The following NCAM2 variants were observed in gnomAD, a reference collection of about 807,000 sequenced individuals.
NCAM2 encodes the protein neural cell adhesion molecule 2.
A neutral mutation model predicts 98.1 loss-of-function variants in NCAM2; 30 were observed. The ratio of observed to expected loss-of-function variants is 0.31; its 90% CI spans 0.23 to 0.41. The LOEUF (loss-of-function observed/expected upper bound fraction) is 0.41, where lower values mean the gene tolerates loss of function less well. Among genes scored for constraint, NCAM2 ranks in the 10% least tolerant of loss-of-function variants. The pLI, the probability that NCAM2 is intolerant of heterozygous loss-of-function variation, is 1.00. For synonymous variants in NCAM2, 368 were observed against 342.4 expected (o/e 1.07, Z -0.83); for missense variants, 867 against 1,005.8 (o/e 0.86, Z 1.87).
At position 21,539,039 on chromosome 21, in the gene NCAM2, A is replaced by C. The variant is rs1208887973; in HGVS notation, c.*1082A>C. The C allele has an allele frequency of 6.6e-6, 1 of 152,194 alleles. No individual in the cohort carries two copies. The highest frequency in any genetic ancestry group is 1.9e-4 in the East Asian group (1 of 5,206). 9.4% of individuals were successfully genotyped at this position (152,194 alleles called of 1,614,324 possible). A position where few individuals can be genotyped will look rare whatever the true frequency, so the allele number is the denominator to read the frequency against. On this transcript the variant is annotated 3_prime_UTR_variant, in exon 18 of 18. Coordinates refer to ENST00000400546, the MANE Select transcript of NCAM2 (RefSeq NM_004540.5). ...ATTTTAATGTGCCATAAAAGAGTAA[A>C]TGATAAATAATTAAATGCCACTATG...
Position 21,043,778 on chromosome 21 carries a change from C to T in NCAM2, c.55+45160C>T, listed in dbSNP as rs528659163. Among the ~76,000 whole-genome samples the T allele has an allele frequency of 1.4e-4, 20 of 144,164 alleles. No homozygotes were observed. In the Middle Eastern group the frequency reaches 0.011, roughly 80 times the overall value. The allele number at this position is 144,164 out of a possible 152,430, so 94.6% of individuals were successfully genotyped here. A position where few individuals can be genotyped will look rare whatever the true frequency, so the allele number is the denominator to read the frequency against. On this transcript the variant is annotated intron_variant, in intron 1 of 17. Transcript: ENST00000400546. ...GCGTGACAGGAGAGTGGCGTGAACC[C>T]GGGAGGCGGAGCTTACAGTGAGCCG...
intron 1 of NCAM2, among the ~76,000 whole-genome samples, chr21:21,063,377 C>T (rs1022979902): frequency 2.6e-5 from 4 of 151,652 alleles, no homozygotes; most frequent in African/African-American, 9.7e-5. Flanking sequence ...TGCGCCAGCA[C>T]GCCTGGCTAA....
At chr21:21,392,136 G>T (rs1381238188) in intron 9 of NCAM2, among the ~76,000 whole-genome samples, 4 of 152,140 alleles carry the variant, frequency 2.6e-5, no homozygotes, top group Non-Finnish European at 2.9e-5. Context: ...AGTGTGTGTT[G>T]TTCCCCTGTA....
rs185409553 is a variant in NCAM2, at chr21:21,000,404, G to A, written c.55+1786G>A. On this transcript the variant is annotated intron_variant, in intron 1 of 17. Coordinates refer to ENST00000400546, the MANE Select transcript of NCAM2 (RefSeq NM_004540.5). ...AGTTGTGGAATCTGAATTTATCATT[G>A]TAGAGGCTAAGTGTGTTGGAATTTG... is the stretch of plus-strand genomic sequence containing the variant. Among the ~76,000 whole-genome samples the A allele has an allele frequency of 9.1e-4, 138 of 152,314 alleles. 1 individual carries two copies. The highest frequency in any genetic ancestry group is 4.6e-3 in the Admixed American group (71 of 15,298).
chr21:21,469,224 C>A (rs375193819), intron 14 of NCAM2, among the ~76,000 whole-genome samples: 1 of 152,054 alleles, frequency 6.6e-6, no homozygotes, highest in East Asian at 1.9e-4. Flanking sequence ...AGAATGGCCA[C>A]GGTGAACTTG....
intron 1 of NCAM2, among the ~76,000 whole-genome samples, chr21:21,073,677 G>C (rs914668164): frequency 2.6e-5 from 4 of 152,064 alleles, no homozygotes; most frequent in Non-Finnish European, 5.9e-5. Flanking sequence ...ACCTCAGACC[G>C]AGTAATTAAG....
At chr21:21,122,120 G>T (rs1267960710) in intron 1 of NCAM2, among the ~76,000 whole-genome samples, 1 of 151,694 alleles carries the variant, frequency 6.6e-6, no homozygotes, top group African/African-American at 2.4e-5. Context: ...AGATATCAAA[G>T]GCAGCAAATA....
intron 1 of NCAM2, among the ~76,000 whole-genome samples, chr21:21,232,977 A>G (rs1338437449): frequency 1.3e-5 from 2 of 151,628 alleles, no homozygotes; most frequent in African/African-American, 4.8e-5. Flanking sequence ...CTTTTCCTTT[A>G]AGATAGAAGA....
intron 1 of NCAM2, among the ~76,000 whole-genome samples, chr21:21,139,585 T>C (rs902159072): frequency 1.3e-5 from 2 of 152,198 alleles, no homozygotes; most frequent in Non-Finnish European, 2.9e-5. Flanking sequence ...ATATTTTATC[T>C]CGCTTTCTGT....
chr21:21,036,686 C>G (rs1471744705), intron 1 of NCAM2, among the ~76,000 whole-genome samples: 1 of 152,048 alleles, frequency 6.6e-6, no homozygotes, highest in Non-Finnish European at 1.5e-5. Flanking sequence ...GAACAATGGC[C>G]TTGGGACCAA....
intron 9 of NCAM2, among the ~76,000 whole-genome samples, chr21:21,403,018 T>G (rs1158627348): frequency 4.6e-5 from 7 of 152,196 alleles, no homozygotes; most frequent in Non-Finnish European, 2.9e-5. Flanking sequence ...TTATATCTTC[T>G]TATGGCTTTA....
At chr21:21,398,473 C>G (rs1484395989) in intron 9 of NCAM2, among the ~76,000 whole-genome samples, 1 of 152,028 alleles carries the variant, frequency 6.6e-6, no homozygotes, top group Non-Finnish European at 1.5e-5. Context: ...ACAGCTAGTA[C>G]AAAGCACCGA....
intron 1 of NCAM2, among the ~76,000 whole-genome samples, chr21:21,247,178 G>T (rs1467276526): frequency 6.6e-6 from 1 of 152,030 alleles, no homozygotes; most frequent in Non-Finnish European, 1.5e-5. Flanking sequence ...ATTTAGCCTG[G>T]CGTGGTGGTG....
At chr21:21,052,625 T>A (rs1473756477) in intron 1 of NCAM2, among the ~76,000 whole-genome samples, 1 of 152,140 alleles carries the variant, frequency 6.6e-6, no homozygotes, top group Non-Finnish European at 1.5e-5. Flanking sequence ...AGTTGATTTC[T>A]TGGAATGAAT....
At chr21:21,062,919 A>G (rs2065352101) in intron 1 of NCAM2, among the ~76,000 whole-genome samples, 1 of 152,206 alleles carries the variant, frequency 6.6e-6, no homozygotes, top group South Asian at 2.1e-4. Flanking sequence ...TTCTCAAAAT[A>G]TAAAGCATTT....
intron 9 of NCAM2, among the ~76,000 whole-genome samples, chr21:21,404,179 T>A (rs1365435982): frequency 6.6e-6 from 1 of 152,170 alleles, no homozygotes; most frequent in Non-Finnish European, 1.5e-5. Context: ...AACTCAATAT[T>A]TCCCCTGATG....
chr21:21,420,414 G>A (rs1337248089), intron 11 of NCAM2, among the ~76,000 whole-genome samples: 1 of 151,884 alleles, frequency 6.6e-6, no homozygotes, highest in Non-Finnish European at 1.5e-5. Flanking sequence ...AATAGTTTAT[G>A]TAGCTCAAAT....
At chr21:21,205,287 A>G (rs977201944) in intron 1 of NCAM2, among the ~76,000 whole-genome samples, 42 of 152,160 alleles carry the variant, frequency 2.8e-4, no homozygotes, top group African/African-American at 9.4e-4. Context: ...TAGTTTTTGC[A>G]TTGTTTGTCA....
chr21:21,508,227 A>T (rs139484648), intron 15 of NCAM2, among the ~76,000 whole-genome samples: 1 of 152,278 alleles, frequency 6.6e-6, no homozygotes, highest in East Asian at 1.9e-4. Flanking sequence ...GTTGCCTTTA[A>T]TCTAATATAT....
Sources: gnomAD v4.1 joint callset for allele counts (sites outside exome capture counted in the v4.1 genomes callset) on GRCh38, gnomAD v4.1.1 for gene constraint, MANE v1.5 for transcripts, NCBI Gene and HGNC (gene_info 2026-07-23, HGNC 2026-07-21) for gene names.